Variants in MYH9 observed in about 807,000 individuals in gnomAD.
MYH9 encodes the protein myosin-9.
MYH9 carries 29 observed loss-of-function variants against 241.9 expected under a neutral mutation model. That is an observed-to-expected ratio of 0.12 (90% confidence interval 0.09 to 0.16). MYH9 has a LOEUF of 0.16. Among genes scored for constraint, MYH9 ranks in the 10% least tolerant of loss-of-function variants. The pLI is 1.00. For missense variants in MYH9, 1,803 were observed against 2,595.5 expected (o/e 0.69, Z 6.63); for synonymous variants, 1,047 against 1,062.6 (o/e 0.99, Z 0.29).
In MYH9 at chr22:36,306,096, A is replaced by C. The variant is rs753866542; in HGVS notation, c.2038-45T>G. On this transcript the variant is annotated intron_variant, in intron 16 of 40. Transcript: ENST00000216181. The surrounding 1 kb of genome is among the most constrained non-coding windows in gnomAD (Gnocchi z 4.1). ...CATGCGGTCTCACTTCCGTGCCTAG[A>C]ACAGTCGGAGAATAGTCAGGGAACC... The C allele has an allele frequency of 6.2e-7, 1 of 1,610,112 alleles. No homozygotes were observed. Among genetic ancestry groups the C allele is most frequent in the Non-Finnish European group, 8.5e-7 (1 of 1,179,912 alleles).
rs536135544 is a variant in MYH9, at chr22:36,338,299, C to T, written c.490+3071G>A. ...ACAGGTGTAAGCCACCACACCCAGC[C>T]GAAGAAGAAGGAAAATAGCCTAGAG... On this transcript the variant is annotated intron_variant, in intron 3 of 40. Coordinates refer to ENST00000216181, the MANE Select transcript of MYH9 (RefSeq NM_002473.6). 1.4e-3 allele frequency among the ~76,000 whole-genome samples: 210 copies of T among 151,966 alleles called. 1 individual carries two copies. The highest frequency in any genetic ancestry group is 4.9e-3 in the African/African-American group (205 of 41,492).
intron 1 of MYH9, among the ~76,000 whole-genome samples, chr22:36,358,774 A>C (rs2146403549): frequency 6.6e-6 from 1 of 152,284 alleles, no homozygotes. Context: ...ACTTCTACAG[A>C]ACTCCTTTCT....
chr22:36,384,597 AAAAAAAAAAAAAAAATATATATATAT>A (rs2018311072), intron 1 of MYH9, among the ~76,000 whole-genome samples: 1 of 43,542 alleles, frequency 2.3e-5, no homozygotes, highest in Non-Finnish European at 4.5e-5. Flanking sequence ...AAAAAAAAAA[AAAAAAAAAAAAAAAATATATATATAT>A]ATATATATAT....
Position 36,294,967 on chromosome 22 carries a change from C to T in MYH9, c.3595G>A (p.Glu1199Lys). ...EMRQKHSQAV[E>K]ELAEQLEQTK... ...TGCTCCAGCTGCTCCGCCAGCTCCT[C>T]CACGGCCTGTGAGTGCTTCTGCCTC... Residue 1199 changes from glutamate (E) to lysine (K), a missense_variant, in exon 27 of 41, where the codon GAG becomes AAG. Around this residue, in one of 11 missense-constraint regions of MYH9, gnomAD observed 876 missense variants for 1,077.8 expected, o/e 0.81. Transcript: ENST00000216181. The T allele has an allele frequency of 6.2e-7, 1 of 1,614,138 alleles. No homozygotes were observed. Among genetic ancestry groups the T allele is most frequent in the Non-Finnish European group, 8.5e-7 (1 of 1,180,038 alleles).
At chr22:36,319,909 T>C (rs141160675) in intron 9 of MYH9, 1 of 609,202 alleles carries the variant, frequency 1.6e-6, no homozygotes, top group African/African-American at 1.8e-5. Flanking sequence ...ATCCCCAGCT[T>C]CTTCCACACT....
chr22:36,313,926 GC>G (rs1317051892), intron 13 of MYH9, among the ~76,000 whole-genome samples: 1 of 152,186 alleles, frequency 6.6e-6, no homozygotes, highest in Non-Finnish European at 1.5e-5. Context: ...GAAAAGCCCA[GC>G]CCACAGCTGC....
chr22:36,368,776 C>T (rs1442692414), intron 1 of MYH9, among the ~76,000 whole-genome samples: 1 of 152,116 alleles, frequency 6.6e-6, no homozygotes, highest in Non-Finnish European at 1.5e-5. Flanking sequence ...CCAACCACAA[C>T]CAATTCGGAA....
Position 36,294,180 on chromosome 22 carries a change from A to G in MYH9, c.3749T>C (p.Val1250Ala), listed in dbSNP as rs776779785. ...CTGCAGCTCCTGCAGCTGCGCCTCC[A>G]CTTTCTTGCGCTTGTGCTCCGAGTC... Reference protein sequence around the residue: ...KGDSEHKRKKVEAQLQELQVK... With the variant: ...KGDSEHKRKKAEAQLQELQVK... Residue 1250 changes from valine to alanine, a missense_variant, in exon 28 of 41, where the codon GTG (valine) becomes GCG (alanine). This residue lies in a region of MYH9 where 876 missense variants were observed against 1,077.8 expected (regional missense o/e 0.81). Transcript: ENST00000216181. 1 of 1,613,476 alleles carries G rather than the reference A, an allele frequency of 6.2e-7. No homozygotes were observed. The highest frequency in any genetic ancestry group is 8.5e-7 in the Non-Finnish European group (1 of 1,179,992).
intron 2 of MYH9, among the ~76,000 whole-genome samples, chr22:36,346,616 TG>T (rs1336543766): frequency 6.6e-6 from 1 of 152,186 alleles, no homozygotes; most frequent in Non-Finnish European, 1.5e-5. Context: ...TTCTTTTTTT[TG>T]TTTGAGACAG....
intron 1 of MYH9, among the ~76,000 whole-genome samples, chr22:36,356,121 A>G (rs187434368): frequency 1.1e-4 from 17 of 152,306 alleles, no homozygotes; most frequent in African/African-American, 4.1e-4. Context: ...TGGAAGCCCT[A>G]TTCCAGCCTC....
At chr22:36,375,983 T>C (rs1258675941) in intron 1 of MYH9, among the ~76,000 whole-genome samples, 2 of 115,798 alleles carry the variant, frequency 1.7e-5, no homozygotes, top group South Asian at 2.5e-4. Flanking sequence ...TTTTTTGAGA[T>C]GGAGTTTTGC....
chr22:36,309,163 C>T (rs2017019797), intron 15 of MYH9, 119 bp downstream of exon 15: 1 of 868,374 alleles, frequency 1.2e-6, no homozygotes, highest in East Asian at 2.6e-5. Flanking sequence ...CAGAGACCAC[C>T]TGGCCTATGT....
intron 1 of MYH9, among the ~76,000 whole-genome samples, chr22:36,366,436 G>A (rs2018011633): frequency 6.6e-6 from 1 of 152,094 alleles, no homozygotes; most frequent in Admixed American, 6.5e-5. Context: ...CTCAGCTGTA[G>A]CAACCCAATC....
chr22:36,322,610 C>T (rs943954282), intron 5 of MYH9, 89 bp from the exon 6 acceptor site: 5 of 1,304,430 alleles, frequency 3.8e-6, no homozygotes, highest in Admixed American at 3.4e-5. Flanking sequence ...ATGGCAGAGC[C>T]GTGTCAGCAT....
intron 1 of MYH9, among the ~76,000 whole-genome samples, chr22:36,359,303 A>T (rs1329477848): frequency 6.6e-6 from 1 of 152,220 alleles, no homozygotes; most frequent in Non-Finnish European, 1.5e-5. Flanking sequence ...TGAATGAATA[A>T]ATGAGAAACA....
At chr22:36,367,730 C>CA (rs764202647) in intron 1 of MYH9, among the ~76,000 whole-genome samples, 6 of 152,214 alleles carry the variant, frequency 3.9e-5, no homozygotes, top group Non-Finnish European at 7.3e-5. Context: ...GCCCAGGCCA[C>CA]AGTCTGGTTT....
At chr22:36,355,223 A>T (rs2017837165) in intron 1 of MYH9, among the ~76,000 whole-genome samples, 1 of 152,200 alleles carries the variant, frequency 6.6e-6, no homozygotes, top group Non-Finnish European at 1.5e-5. Context: ...CGAGCGGGAC[A>T]CAACCAGAGG....
chr22:36,297,195 A>G lies in MYH9; in HGVS notation c.3101-181T>C, dbSNP rs1478350982. 1.5e-5 allele frequency: 10 copies of G among 668,368 alleles called. No homozygotes were observed. In the East Asian group the frequency reaches 1.9e-4, roughly 13 times the overall value. The allele number at this position is 668,368 out of a possible 1,614,324, so 41.4% of individuals were successfully genotyped here. ...GAAGAGGACATCACTGCAAACTGCTAGCCCCTGGCATGTCTCTCTCCAACT... is the reference window on the plus strand; with the variant it reads ...GAAGAGGACATCACTGCAAACTGCTGGCCCCTGGCATGTCTCTCTCCAACT... On this transcript the variant is annotated intron_variant, in intron 24 of 40. Coordinates refer to ENST00000216181, the MANE Select transcript of MYH9 (RefSeq NM_002473.6).
chr22:36,339,428 C>T (rs2017548280), intron 3 of MYH9, among the ~76,000 whole-genome samples: 1 of 152,194 alleles, frequency 6.6e-6, no homozygotes, highest in Admixed American at 6.5e-5. Flanking sequence ...GTTTTTCCAC[C>T]AGGCTGTTCT....
Sources: allele counts gnomAD v4.1 joint callset (sites outside exome capture counted in the v4.1 genomes callset), GRCh38; gene constraint gnomAD v4.1.1; regional missense constraint gnomAD v4.1.1; non-coding constraint Gnocchi (gnomAD v3.1); transcripts MANE v1.5; gene names NCBI Gene and HGNC (gene_info 2026-07-23, HGNC 2026-07-21).